Variants in VRK1 observed in about 807,000 individuals in gnomAD.
VRK1 encodes the protein serine/threonine-protein kinase VRK1.
VRK1 carries 33 observed loss-of-function variants against 57.1 expected under a neutral mutation model. The ratio of observed to expected loss-of-function variants is 0.58; its 90% CI spans 0.44 to 0.77. The LOEUF is 0.77. Among genes scored for constraint, VRK1 ranks in the 30% least tolerant of loss-of-function variants. The pLI, the probability that VRK1 is intolerant of heterozygous loss-of-function variation, is 0.00. For synonymous variants in VRK1, 137 were observed against 147.8 expected, an observed-to-expected ratio of 0.93 and a Z score of 0.53; for missense variants, 413 against 477.3, an observed-to-expected ratio of 0.87 and a Z score of 1.25.
chr14:96,819,541 C>T (rs188362871), intron 1 of VRK1, among the ~76,000 whole-genome samples: 3 of 152,188 alleles, frequency 2.0e-5, no homozygotes, highest in Non-Finnish European at 2.9e-5. Flanking sequence ...CAAATAATTG[C>T]GGTTTTGGAC....
rs80180135 is a variant in VRK1 at position 96,867,646 on chromosome 14, C to T, written c.1068+6911C>T. Among the ~76,000 whole-genome samples the T allele has an allele frequency of 2.3e-3, 354 of 152,192 alleles. 2 individuals are homozygous for T. Among genetic ancestry groups the T allele is most frequent in the African/African-American group, 8.3e-3 (346 of 41,530 alleles). On this transcript the variant is annotated intron_variant, in intron 11 of 12. Coordinates refer to ENST00000216639, the MANE Select transcript of VRK1 (RefSeq NM_003384.3). ...CCTTTCCTTCTCTATTCTGTCCCTCCGGAACTCCTACCACATGAATATGGG... is the reference window on the plus strand; with the variant it reads ...CCTTTCCTTCTCTATTCTGTCCCTCTGGAACTCCTACCACATGAATATGGG...
chr14:96,870,279 A>G (rs1018850361), intron 11 of VRK1, among the ~76,000 whole-genome samples: 1 of 152,166 alleles, frequency 6.6e-6, no homozygotes. Context: ...ATTATTATGC[A>G]TTTATATAGA....
chr14:96,824,626 G>A (rs182625658), intron 1 of VRK1, among the ~76,000 whole-genome samples: 4 of 152,086 alleles, frequency 2.6e-5, no homozygotes, highest in African/African-American at 9.6e-5. Context: ...GAAAAGAAAG[G>A]ATGATAGCAG....
chr14:96,852,225 AG>A (rs1477203071), intron 5 of VRK1, among the ~76,000 whole-genome samples: 1 of 152,210 alleles, frequency 6.6e-6, no homozygotes. Flanking sequence ...GACTCAGCCA[AG>A]GTGACATAGC....
chr14:96,860,988 A>G, intron 11 of VRK1: 1 of 308,034 alleles, frequency 3.2e-6, no homozygotes, highest in East Asian at 6.3e-5. Context: ...TCTGACAGGG[A>G]AATTTTGATG....
chr14:96,843,478 A>G (rs2139773471), intron 3 of VRK1, among the ~76,000 whole-genome samples: 1 of 152,328 alleles, frequency 6.6e-6, no homozygotes, highest in Non-Finnish European at 1.5e-5. Flanking sequence ...TTTTTAATTC[A>G]TATATCATAA....
At chr14:96,879,758 A>T (rs553438029) in intron 12 of VRK1, among the ~76,000 whole-genome samples, 7 of 151,802 alleles carry the variant, frequency 4.6e-5, no homozygotes, top group African/African-American at 1.7e-4. Context: ...GTGAAAGTCT[A>T]AGTCCTACTA....
At chr14:96,862,300 T>C (rs1458391553) in intron 11 of VRK1, among the ~76,000 whole-genome samples, 1 of 152,234 alleles carries the variant, frequency 6.6e-6, no homozygotes, top group Non-Finnish European at 1.5e-5. Flanking sequence ...CTGACATGTA[T>C]AAAGCTTCAT....
At chr14:96,813,314 G>C (rs1886275528) in intron 1 of VRK1, among the ~76,000 whole-genome samples, 1 of 152,084 alleles carries the variant, frequency 6.6e-6, no homozygotes, top group Non-Finnish European at 1.5e-5. Flanking sequence ...GATTTTGTTT[G>C]GGTCATTTAG....
chr14:96,800,680 C>G (rs1158482387), intron 1 of VRK1, among the ~76,000 whole-genome samples: 1 of 151,950 alleles, frequency 6.6e-6, no homozygotes, highest in Non-Finnish European at 1.5e-5. Context: ...TGCAGTTACT[C>G]CTATCTCTCT....
chr14:96,823,631 TAAG>T (rs923669137), intron 1 of VRK1, among the ~76,000 whole-genome samples: 1 of 152,232 alleles, frequency 6.6e-6, no homozygotes, highest in Non-Finnish European at 1.5e-5. Flanking sequence ...AAAATTGTGA[TAAG>T]AAACATAGAA....
At chr14:96,825,978 A>G (rs1207128229) in intron 1 of VRK1, among the ~76,000 whole-genome samples, 1 of 151,038 alleles carries the variant, frequency 6.6e-6, no homozygotes, top group African/African-American at 2.4e-5. Context: ...TGATGAATTC[A>G]TAGAGCTCAT....
intron 10 of VRK1, among the ~76,000 whole-genome samples, chr14:96,859,629 G>A (rs1396014820): frequency 1.3e-5 from 2 of 152,064 alleles, no homozygotes; most frequent in African/African-American, 4.8e-5. Context: ...ATAAATATTT[G>A]AGTTAATGAA....
At chr14:96,830,879 C>G (rs1464510875) in intron 1 of VRK1, among the ~76,000 whole-genome samples, 1 of 152,182 alleles carries the variant, frequency 6.6e-6, no homozygotes, top group East Asian at 1.9e-4. Context: ...TTTTTCCTTT[C>G]TTCGTATTAT....
intron 1 of VRK1, among the ~76,000 whole-genome samples, chr14:96,824,210 A>G (rs1485274858): frequency 6.6e-6 from 1 of 152,200 alleles, no homozygotes; most frequent in Non-Finnish European, 1.5e-5. Context: ...TTAACATGAT[A>G]AAACCCTGGA....
Position 96,860,735 on chromosome 14 carries a change from G to A in VRK1, c.1068G>A (p.Lys356=), listed in dbSNP as rs1566713330. The A allele has an allele frequency of 2.5e-6, 4 of 1,611,522 alleles. No individual in the cohort carries two copies. Among genetic ancestry groups the A allele is most frequent in the South Asian group, 1.1e-5 (1 of 90,714 alleles). The part of the protein sequence containing the change: ...NGGLKAKTIT[K]KRKKEIEESK... ...GTTTGAAAGCAAAAACAATAACAAAGGTGAATTTTGTTATTAAATTATTCT... is the reference window on the plus strand; with the variant it reads ...GTTTGAAAGCAAAAACAATAACAAAAGTGAATTTTGTTATTAAATTATTCT... The change falls in exon 11 of 13, where the codon AAG becomes AAA. Residue 356 remains lysine (K), a splice_region_variant and synonymous_variant. Transcript: ENST00000216639.
chr14:96,833,511 T>G lies in VRK1; in HGVS notation c.40T>G (p.Ser14Ala). Residue 14 changes from serine (S) to alanine (A), a missense_variant, in exon 2 of 13, where the codon TCT becomes GCT. Ser to Ala is a moderately conservative substitution (Grantham distance 99, BLOSUM62 1). Around this residue, in one of 3 missense-constraint regions of VRK1, gnomAD observed 116 missense variants for 113.6 expected, o/e 1.02. Transcript: ENST00000216639. ...AGCAGCTCAAGCTGGAAGACAGAGC[T>G]CTGCAAAGAGACATCTTGCAGAACA... ...VKAAQAGRQSSAKRHLAEQFA... is the reference protein window; with the variant it reads ...VKAAQAGRQSAAKRHLAEQFA... 1 of 1,613,784 alleles carries G rather than the reference T, an allele frequency of 6.2e-7. No individual in the cohort carries two copies. The highest frequency in any genetic ancestry group is 8.5e-7 in the Non-Finnish European group (1 of 1,179,782).
chr14:96,873,624 C>T (rs1888913375), intron 11 of VRK1, among the ~76,000 whole-genome samples: 1 of 152,036 alleles, frequency 6.6e-6, no homozygotes, highest in African/African-American at 2.4e-5. Flanking sequence ...TTTTTCTGTT[C>T]AAAAGGAACC....
At chr14:96,805,822 A>G (rs1022876137) in intron 1 of VRK1, among the ~76,000 whole-genome samples, 5 of 152,224 alleles carry the variant, frequency 3.3e-5, no homozygotes, top group Non-Finnish European at 5.9e-5. Context: ...CTTTCATGCA[A>G]CATCTCACAT....
Sources: gnomAD v4.1 joint callset for allele counts (sites outside exome capture counted in the v4.1 genomes callset) on GRCh38, gnomAD v4.1.1 for gene constraint, gnomAD v4.1.1 regional missense constraint, MANE v1.5 for transcripts, NCBI Gene and HGNC (gene_info 2026-07-23, HGNC 2026-07-21) for gene names.